Variants in PSMG2 observed in about 807,000 individuals in gnomAD.
The protein encoded by PSMG2 is proteasome assembly chaperone 2, also known as CD40 ligand-activated specific transcript 3.
In PSMG2, 21 loss-of-function variants were observed where a neutral mutation model predicts 31.5. The observed-to-expected ratio is 0.67, with a 90% CI of 0.47 to 0.96. The LOEUF (loss-of-function observed/expected upper bound fraction) is 0.96. Among genes scored for constraint, PSMG2 ranks in the 40% least tolerant of loss-of-function variants. The probability of loss-of-function intolerance (pLI) is 0.00; values close to 1 mark genes in which losing one functional copy is unlikely to be tolerated. For synonymous variants in PSMG2, 120 were observed against 110.4 expected, an observed-to-expected ratio of 1.09 and a Z score of -0.54; for missense variants, 318 against 321.2, an observed-to-expected ratio of 0.99 and a Z score of 0.08.
At chr18:12,706,458 G>T in intron 1 of PSMG2, 92 bp from the exon 2 acceptor site, 1 of 1,380,882 alleles carries the variant, frequency 7.2e-7, no homozygotes, top group Non-Finnish European at 1.0e-6. Flanking sequence ...CTGTACTCCA[G>T]CCTGGGAGAC....
intron 4 of PSMG2, among the ~76,000 whole-genome samples, chr18:12,719,889 A>G (rs943354021): frequency 6.7e-6 from 1 of 148,594 alleles, no homozygotes; most frequent in African/African-American, 2.5e-5. Flanking sequence ...ACACCCGGCT[A>G]ATTTTTTGTG....
At chr18:12,673,215 A>T in intron 1 of PSMG2, 1 of 1,351,868 alleles carries the variant, frequency 7.4e-7, no homozygotes, top group South Asian at 2.2e-5. Flanking sequence ...GATTTTTTTT[A>T]AACATTACCA....
Position 12,718,618 on chromosome 18 carries a change from T to C in PSMG2, c.390T>C (p.Asn130=). 1 of 1,603,018 alleles carries C rather than the reference T, an allele frequency of 6.2e-7. No homozygotes were observed. Among genetic ancestry groups the C allele is most frequent in the Non-Finnish European group, 8.5e-7 (1 of 1,172,356 alleles). ...CAAGCAGTCATTCATATCAGCGTAATGATCTGCAGCTTCGTAGGTATGTTT... is the reference window on the plus strand; with the variant it reads ...CAAGCAGTCATTCATATCAGCGTAACGATCTGCAGCTTCGTAGGTATGTTT... The part of the protein sequence containing the change: ...VLSSSHSYQR[N]DLQLRSTPFR... Residue 130 remains asparagine, a synonymous_variant, in exon 4 of 7, where the codon AAT becomes AAC. Coordinates refer to ENST00000317615, the MANE Select transcript of PSMG2 (RefSeq NM_020232.5).
chr18:12,709,587 C>G (rs968905151), intron 2 of PSMG2, among the ~76,000 whole-genome samples: 2 of 151,990 alleles, frequency 1.3e-5, no homozygotes, highest in African/African-American at 4.8e-5. Context: ...CAACCTCCAC[C>G]TCCCGGGTTC....
intron 1 of PSMG2, among the ~76,000 whole-genome samples, chr18:12,692,784 G>A (rs2039814375): frequency 6.6e-6 from 1 of 152,168 alleles, no homozygotes; most frequent in Non-Finnish European, 1.5e-5. Context: ...ACAGTGTCTA[G>A]CACATTTTGA....
intron 1 of PSMG2, among the ~76,000 whole-genome samples, chr18:12,688,513 C>T (rs895966609): frequency 6.6e-6 from 1 of 152,124 alleles, no homozygotes; most frequent in South Asian, 2.1e-4. Flanking sequence ...GAAGTGGAAG[C>T]ATTTGCCTAA....
intron 1 of PSMG2, among the ~76,000 whole-genome samples, chr18:12,682,230 T>A (rs2039376765): frequency 6.6e-6 from 1 of 150,824 alleles, no homozygotes; most frequent in Non-Finnish European, 1.5e-5. Flanking sequence ...AGTGGCATGA[T>A]CTCAGCTCAA....
chr18:12,722,847 T>C (rs950201754), intron 5 of PSMG2, among the ~76,000 whole-genome samples: 9 of 152,248 alleles, frequency 5.9e-5, no homozygotes, highest in African/African-American at 1.9e-4. Flanking sequence ...AGCATACCCC[T>C]GCGCTTTCCA....
At chr18:12,721,597 A>G (rs2040431081) in intron 5 of PSMG2, among the ~76,000 whole-genome samples, 1 of 152,050 alleles carries the variant, frequency 6.6e-6, no homozygotes. Context: ...TTCTTATTTT[A>G]ATAATTTGAG....
At chr18:12,692,953 G>C (rs1219892862) in intron 1 of PSMG2, among the ~76,000 whole-genome samples, 3 of 152,132 alleles carry the variant, frequency 2.0e-5, no homozygotes. Context: ...CTCCCCAGTA[G>C]CTGGGACTAC....
At chr18:12,674,686 T>C in intron 1 of PSMG2, 1 of 1,614,084 alleles carries the variant, frequency 6.2e-7, no homozygotes, top group Non-Finnish European at 8.5e-7. Context: ...CTCAAATTCA[T>C]AAGAAGCCAA....
At chr18:12,693,218 G>C (rs549172389) in intron 1 of PSMG2, among the ~76,000 whole-genome samples, 1 of 152,130 alleles carries the variant, frequency 6.6e-6, no homozygotes, top group Non-Finnish European at 1.5e-5. Flanking sequence ...TTATAAATAT[G>C]ACAGTGGAAA....
At chr18:12,701,920 G>A (rs1159140535), upstream of PSMG2, among the ~76,000 whole-genome samples, 1 of 152,178 alleles carries the variant, frequency 6.6e-6, no homozygotes, top group African/African-American at 2.4e-5. Context: ...CACGAAGTCA[G>A]GAGTTCGGGA....
chr18:12,703,118 C>A lies in PSMG2; in HGVS notation c.11C>A (p.Pro4His), dbSNP rs1299985856. MFV[P>H]CGESAPDLAG... ...CACCCCACTGCGACCATGTTCGTTCCCTGCGGGGAGTCGGCCCCCGACCTT... is the reference window on the plus strand; with the variant it reads ...CACCCCACTGCGACCATGTTCGTTCACTGCGGGGAGTCGGCCCCCGACCTT... Residue 4 changes from proline to histidine, a missense_variant, in exon 1 of 7, where the codon CCC becomes CAC. Physicochemically the swap from Pro to His is moderately conservative, Grantham distance 77 (BLOSUM62 -2). Coordinates refer to ENST00000317615, the MANE Select transcript of PSMG2 (RefSeq NM_020232.5). The A allele has an allele frequency of 6.2e-7, 1 of 1,612,610 alleles. No homozygotes were observed. Among genetic ancestry groups the A allele is most frequent in the Admixed American group, 1.7e-5 (1 of 59,922 alleles).
chr18:12,686,583 G>C (rs2039547564), intron 1 of PSMG2: 1 of 644,056 alleles, frequency 1.6e-6, no homozygotes, highest in Admixed American at 2.9e-5. Flanking sequence ...TCCAGTATTT[G>C]GCTGCAAAGT....
chr18:12,659,051 A>C (rs2038640421), intron 1 of PSMG2, among the ~76,000 whole-genome samples: 1 of 152,218 alleles, frequency 6.6e-6, no homozygotes, highest in African/African-American at 2.4e-5. Context: ...CCTATTAAAT[A>C]TGCAATAAAA....
chr18:12,701,215 T>G, upstream of PSMG2: 1 of 778,380 alleles, frequency 1.3e-6, no homozygotes, highest in Non-Finnish European at 2.1e-6. Context: ...GCACAATTGT[T>G]ACCACAATTG....
upstream of PSMG2, chr18:12,702,649 A>C: frequency 7.5e-7 from 1 of 1,335,932 alleles, no homozygotes; most frequent in Non-Finnish European, 1.0e-6. Flanking sequence ...TGGAGCACAA[A>C]GCGCCGCAGC....
At chr18:12,699,735 G>T, upstream of PSMG2, 1 of 685,122 alleles carries the variant, frequency 1.5e-6, no homozygotes, top group East Asian at 3.1e-5. Context: ...ATTTTGGGGG[G>T]AAAAAATGGA....
Sources: allele counts gnomAD v4.1 joint callset (sites outside exome capture counted in the v4.1 genomes callset), GRCh38; gene constraint gnomAD v4.1.1; transcripts MANE v1.5; gene names NCBI Gene and HGNC (gene_info 2026-07-23, HGNC 2026-07-21).